AKAP1: variants seen among roughly 807,000 people sequenced by gnomAD.
The protein encoded by AKAP1 is A-kinase anchor protein 1, mitochondrial.
A neutral mutation model predicts 79.8 loss-of-function variants in AKAP1; 32 were observed. The observed-to-expected ratio is 0.40, with a 90% confidence interval of 0.30 to 0.54. The LOEUF is 0.54. Among genes scored for constraint, AKAP1 ranks in the 20% least tolerant of loss-of-function variants. AKAP1 has a pLI of 0.47. For synonymous variants in AKAP1, 416 were observed against 466.7 expected, an observed-to-expected ratio of 0.89 and a Z score of 1.40; for missense variants, 961 against 1,138.9, an observed-to-expected ratio of 0.84 and a Z score of 2.25.
At chr17:57,115,554 T>G (rs72828915) in intron 6 of AKAP1, among the ~76,000 whole-genome samples, 7,324 of 152,250 alleles carry the variant, frequency 0.048, 216 homozygotes, top group Non-Finnish European at 0.068. Flanking sequence ...AGTGGGTTAG[T>G]GACTCCTTGA....
intron 10 of AKAP1, among the ~76,000 whole-genome samples, chr17:57,119,437 G>C (rs1030194671): frequency 2.6e-5 from 4 of 152,166 alleles, no homozygotes; most frequent in African/African-American, 9.7e-5. Flanking sequence ...ATCCTGGCCA[G>C]GTACAGTGGC....
intron 2 of AKAP1, among the ~76,000 whole-genome samples, chr17:57,109,222 C>T (rs1249286112): frequency 6.6e-6 from 1 of 152,218 alleles, no homozygotes; most frequent in Non-Finnish European, 1.5e-5. Context: ...GGCCACTTCT[C>T]TTGAGCTGAT....
At chr17:57,107,244 A>G in intron 2 of AKAP1, 66 bp downstream of exon 2, 2 of 1,527,824 alleles carry the variant, frequency 1.3e-6, no homozygotes, top group African/African-American at 1.4e-5. Flanking sequence ...AAAGGCTGCC[A>G]GTCTGCCTCT....
intron 1 of AKAP1, among the ~76,000 whole-genome samples, chr17:57,098,078 G>C (rs1914237057): frequency 6.6e-6 from 1 of 152,246 alleles, no homozygotes; most frequent in Non-Finnish European, 1.5e-5. Context: ...TCTGAGGGCT[G>C]TTCTGAGAAG....
chr17:57,111,399 G>A (rs1915238609), intron 3 of AKAP1, among the ~76,000 whole-genome samples: 1 of 152,232 alleles, frequency 6.6e-6, no homozygotes, highest in Non-Finnish European at 1.5e-5. Context: ...GAAACTGTGT[G>A]CTGGTGAAAC....
Position 57,086,096 on chromosome 17 carries a change from CG to C in AKAP1, c.-25+704del, listed in dbSNP as rs1325654217. 7.9e-6 allele frequency: 2 copies of C among 253,146 alleles called. No homozygotes were observed. The highest frequency in any genetic ancestry group is 6.7e-5 in the South Asian group (2 of 29,976). The allele number at this position is 253,146 out of a possible 1,614,324, so 15.7% of individuals were successfully genotyped here. A position where few individuals can be genotyped will look rare whatever the true frequency, so the allele number is the denominator to read the frequency against. On this transcript the variant is annotated intron_variant, in intron 1 of 10. Coordinates refer to ENST00000337714, the MANE Select transcript of AKAP1 (RefSeq NM_003488.4). The surrounding 1 kb of genome is among the most constrained non-coding windows in gnomAD (Gnocchi z 5.1). ...GGAGGTCGGAGGCTCAGGGGCGTCT[CG>C]GGGGGAATTTGCATTCGTAGCCCCT... is the stretch of plus-strand genomic sequence containing the variant.
intron 1 of AKAP1, among the ~76,000 whole-genome samples, chr17:57,089,142 GT>G (rs1311036901): frequency 6.6e-6 from 1 of 152,158 alleles, no homozygotes; most frequent in Non-Finnish European, 1.5e-5. Context: ...GCTAAAAGAG[GT>G]TTGGTCAAAA....
intron 1 of AKAP1, among the ~76,000 whole-genome samples, chr17:57,100,520 G>A (rs956946132): frequency 4.6e-5 from 7 of 152,206 alleles, no homozygotes; most frequent in African/African-American, 1.4e-4. Flanking sequence ...GGGAGGCTGA[G>A]GTGGGAGAAT....
intron 8 of AKAP1, 22 bp from the exon 9 acceptor site, chr17:57,118,359 G>A (rs756889134): frequency 2.0e-5 from 32 of 1,613,072 alleles, no homozygotes; most frequent in Admixed American, 3.3e-5. Context: ...CCTAAATGCC[G>A]CTTTTCCTTT....
rs1915884009 is a variant in AKAP1 at position 57,120,871 on chromosome 17, A to G, written c.*547A>G. On this transcript the variant is annotated 3_prime_UTR_variant, in exon 11 of 11. Coordinates refer to ENST00000337714, the MANE Select transcript of AKAP1 (RefSeq NM_003488.4). ...TAGGTCTCTAAACACAGACTTTTTAAATTGCAACTGTAAATATGAAATGGT... is the reference window on the plus strand; with the variant it reads ...TAGGTCTCTAAACACAGACTTTTTAGATTGCAACTGTAAATATGAAATGGT... The G allele has an allele frequency of 6.5e-6, 1 of 152,878 alleles. No individual in the cohort carries two copies. The highest frequency in any genetic ancestry group is 6.5e-5 in the Admixed American group (1 of 15,316). 9.5% of individuals were successfully genotyped at this position (152,878 alleles called of 1,614,324 possible).
At chr17:57,105,366 T>G in intron 1 of AKAP1, 75 bp from the exon 2 acceptor site, 1 of 1,411,530 alleles carries the variant, frequency 7.1e-7, no homozygotes, top group East Asian at 2.3e-5. Context: ...GTTGACTGTC[T>G]TGCATGTGCG....
chr17:57,097,987 A>G (rs1217290784), intron 1 of AKAP1, among the ~76,000 whole-genome samples: 1 of 152,144 alleles, frequency 6.6e-6, no homozygotes, highest in African/African-American at 2.4e-5. Flanking sequence ...ATTGCCAGGG[A>G]TTTGTTTTCT....
At chr17:57,102,817 G>A (rs968099793) in intron 1 of AKAP1, among the ~76,000 whole-genome samples, 8 of 152,090 alleles carry the variant, frequency 5.3e-5, no homozygotes, top group African/African-American at 1.9e-4. Context: ...ATTTGGCTGG[G>A]CACCGTGGCC....
At chr17:57,109,942 A>C in intron 2 of AKAP1, 83 bp from the exon 3 acceptor site, 5 of 1,548,004 alleles carry the variant, frequency 3.2e-6, no homozygotes, top group Non-Finnish European at 3.5e-6. Context: ...CCTCCTGGGA[A>C]TGTGAGTTTG....
chr17:57,120,161 G>A (rs1915842557), intron 10 of AKAP1, 89 bp from the exon 11 acceptor site: 1 of 1,209,458 alleles, frequency 8.3e-7, no homozygotes, highest in Non-Finnish European at 1.2e-6. Context: ...TGCCTGCAGT[G>A]GCAACCGGGG....
chr17:57,116,790 A>T, intron 7 of AKAP1, 70 bp from the exon 8 acceptor site: 2 of 1,441,964 alleles, frequency 1.4e-6, no homozygotes, highest in Non-Finnish European at 2.0e-6. Context: ...CTGTACAAAG[A>T]TGAATACTGG....
chr17:57,107,921 C>T (rs759874271), intron 2 of AKAP1: 14 of 1,276,802 alleles, frequency 1.1e-5, no homozygotes, highest in African/African-American at 1.5e-5. Flanking sequence ...TTGCAGAAAG[C>T]CTCAGCCATT....
intron 10 of AKAP1, 67 bp from the exon 11 acceptor site, chr17:57,120,183 C>A: frequency 6.8e-7 from 1 of 1,479,362 alleles, no homozygotes; most frequent in Non-Finnish European, 9.3e-7. Context: ...GGGGAGAACT[C>A]ATGTTGGCTA....
intron 4 of AKAP1, 103 bp from the exon 5 acceptor site, chr17:57,112,388 A>G: frequency 1.4e-6 from 2 of 1,416,682 alleles, no homozygotes; most frequent in Admixed American, 2.2e-5. Context: ...CTTGAACTCT[A>G]TGCAAAGTCC....
Sources: gnomAD v4.1 joint callset for allele counts (sites outside exome capture counted in the v4.1 genomes callset) on GRCh38, gnomAD v4.1.1 for gene constraint, Gnocchi (gnomAD v3.1) non-coding constraint, MANE v1.5 for transcripts, NCBI Gene and HGNC (gene_info 2026-07-23, HGNC 2026-07-21) for gene names.